The following GAPVD1 variants were observed in gnomAD, a reference collection of about 807,000 sequenced individuals.
The protein encoded by GAPVD1 is GTPase-activating protein and VPS9 domain-containing protein 1.
GAPVD1 carries 35 observed loss-of-function variants against 155.5 expected under a neutral mutation model. The observed-to-expected ratio is 0.23, with a 90% CI of 0.17 to 0.30. The LOEUF (loss-of-function observed/expected upper bound fraction) is 0.30, where lower values mean the gene tolerates loss of function less well. GAPVD1 is among the 10% of genes least tolerant of loss of function. The pLI, the probability that GAPVD1 is intolerant of heterozygous loss-of-function variation, is 1.00. For synonymous variants in GAPVD1, 636 were observed against 619.7 expected (o/e 1.03, Z -0.39); for missense variants, 1,429 against 1,775.7 (o/e 0.80, Z 3.51).
chr9:125,365,384 C>A lies in GAPVD1; in HGVS notation c.*2638C>A, dbSNP rs576208429. On this transcript the variant is annotated 3_prime_UTR_variant, in exon 28 of 28. Transcript: ENST00000297933. ...CCCCAAATGTTTCTTCCTCCACTGC[C>A]TTCCAGTACTTTCTTTACATGAAAG... is the stretch of plus-strand genomic sequence containing the variant. The A allele has an allele frequency of 6.6e-6, 1 of 151,728 alleles. No individual in the cohort carries two copies. The highest frequency in any genetic ancestry group is 2.4e-5 in the African/African-American group (1 of 41,298). 9.4% of individuals were successfully genotyped at this position (151,728 alleles called of 1,614,324 possible). A position where few individuals can be genotyped will look rare whatever the true frequency, so the allele number is the denominator to read the frequency against.
chr9:125,362,984 T>C lies in GAPVD1; in HGVS notation c.*238T>C, dbSNP rs1851154841. 2 of 264,786 alleles carry C rather than the reference T, an allele frequency of 7.6e-6. No homozygotes were observed. Among genetic ancestry groups the C allele is most frequent in the Non-Finnish European group, 1.4e-5 (2 of 140,892 alleles). The allele number at this position is 264,786 out of a possible 1,614,324, so 16.4% of individuals were successfully genotyped here. ...TTTCTTGTCCCCAAGTAGAGACTAG[T>C]ACTACAAAAAGGGACCACATTTTTC... On this transcript the variant is annotated 3_prime_UTR_variant, in exon 28 of 28. Transcript: ENST00000297933.
At position 125,366,149 on chromosome 9, in the gene GAPVD1, T is replaced by C. The variant is rs1250256807; in HGVS notation, c.*3403T>C. 1 of 152,218 alleles carries C rather than the reference T, an allele frequency of 6.6e-6. No homozygotes were observed. The highest frequency in any genetic ancestry group is 1.5e-5 in the Non-Finnish European group (1 of 68,040). The allele number at this position is 152,218 out of a possible 1,614,324, so 9.4% of individuals were successfully genotyped here. A position where few individuals can be genotyped will look rare whatever the true frequency, so the allele number is the denominator to read the frequency against. The stretch of plus-strand genomic sequence containing the variant: ...GCAAATGTGCTGCATGGTTTTTCTA[T>C]TCCTATGTCCTGGAAGCCTTTGTTT... On this transcript the variant is annotated 3_prime_UTR_variant, in exon 28 of 28. Coordinates refer to ENST00000297933, the MANE Select transcript of GAPVD1 (RefSeq NM_001282680.3).
At chr9:125,303,261 C>T (rs1454528868) in intron 5 of GAPVD1, among the ~76,000 whole-genome samples, 2 of 151,782 alleles carry the variant, frequency 1.3e-5, no homozygotes, top group Non-Finnish European at 2.9e-5. Flanking sequence ...TCAGATGATC[C>T]GCCCACCTCG....
intron 11 of GAPVD1, 117 bp from the exon 12 acceptor site, chr9:125,326,299 C>T (rs1845174397): frequency 4.5e-6 from 3 of 671,492 alleles, no homozygotes; most frequent in African/African-American, 1.8e-5. Context: ...GGGCGGATCA[C>T]CTGAGATTGG....
rs1851194031 is a variant in GAPVD1 at position 125,363,265 on chromosome 9, A to G, written c.*519A>G. 2 of 152,108 alleles carry G rather than the reference A, an allele frequency of 1.3e-5. No homozygotes were observed. Among genetic ancestry groups the G allele is most frequent in the African/African-American group, 2.4e-5 (1 of 41,434 alleles). The allele number at this position is 152,108 out of a possible 1,614,324, so 9.4% of individuals were successfully genotyped here. Reference sequence around the variant, plus strand: ...GCTAAGAAGGAAATGTAAATATAATATATATTTATATTTGATGTAATATGG... The same window carrying G: ...GCTAAGAAGGAAATGTAAATATAATGTATATTTATATTTGATGTAATATGG... On this transcript the variant is annotated 3_prime_UTR_variant, in exon 28 of 28. Transcript: ENST00000297933.
intron 25 of GAPVD1, among the ~76,000 whole-genome samples, chr9:125,356,518 G>T (rs1307147384): frequency 1.3e-5 from 2 of 152,000 alleles, no homozygotes; most frequent in African/African-American, 4.8e-5. Context: ...TTGAGACAGG[G>T]TCTTGCCATG....
chr9:125,320,212 T>C (rs1844108974), intron 9 of GAPVD1, among the ~76,000 whole-genome samples: 1 of 152,208 alleles, frequency 6.6e-6, no homozygotes, highest in Non-Finnish European at 1.5e-5. Flanking sequence ...CCAAGGCCTC[T>C]GAGTTCAAGT....
intron 20 of GAPVD1, 100 bp from the exon 21 acceptor site, chr9:125,349,290 T>C (rs951797597): frequency 1.9e-5 from 18 of 954,812 alleles, no homozygotes; most frequent in Middle Eastern, 2.4e-4. Flanking sequence ...TTATTATTAG[T>C]CAATGGTAAT....
chr9:125,296,500 A>C (rs1020262710), intron 3 of GAPVD1, among the ~76,000 whole-genome samples: 29 of 148,850 alleles, frequency 1.9e-4, no homozygotes, highest in Non-Finnish European at 5.9e-5. Context: ...GATTACAGGC[A>C]TGTGCCACCA....
intron 9 of GAPVD1, among the ~76,000 whole-genome samples, chr9:125,319,840 C>T (rs1037911705): frequency 2.0e-5 from 3 of 152,096 alleles, no homozygotes; most frequent in East Asian, 1.9e-4. Flanking sequence ...GGTGATCCAC[C>T]GGCCTTGACC....
intron 20 of GAPVD1, among the ~76,000 whole-genome samples, chr9:125,348,638 G>A (rs1286578718): frequency 3.9e-5 from 6 of 151,920 alleles, no homozygotes; most frequent in African/African-American, 1.5e-4. Flanking sequence ...TCGACCTCCC[G>A]AGTAGCTGGA....
chr9:125,270,255 C>A (rs1375390780), intron 2 of GAPVD1, among the ~76,000 whole-genome samples: 1 of 151,438 alleles, frequency 6.6e-6, no homozygotes, highest in Non-Finnish European at 1.5e-5. Context: ...ATGGAGAAAC[C>A]CCGTCTCTAC....
At chr9:125,268,204 C>G (rs571356898) in intron 1 of GAPVD1, among the ~76,000 whole-genome samples, 1 of 146,472 alleles carries the variant, frequency 6.8e-6, no homozygotes, top group Non-Finnish European at 1.5e-5. Flanking sequence ...ACCCCCCCCC[C>G]CAAAAAAAAA....
intron 6 of GAPVD1, among the ~76,000 whole-genome samples, chr9:125,306,116 C>T (rs754087602): frequency 6.6e-6 from 1 of 152,062 alleles, no homozygotes; most frequent in Non-Finnish European, 1.5e-5. Flanking sequence ...CACGTCTCAT[C>T]TCTAGTCTTC....
intron 2 of GAPVD1, among the ~76,000 whole-genome samples, chr9:125,288,727 G>T (rs549742125): frequency 2.0e-5 from 3 of 152,250 alleles, no homozygotes; most frequent in Admixed American, 6.5e-5. Flanking sequence ...TGATGTGCCA[G>T]GCTCTCTTAT....
intron 2 of GAPVD1, among the ~76,000 whole-genome samples, chr9:125,290,970 C>T (rs150490574): frequency 1.4e-3 from 185 of 136,950 alleles, no homozygotes; most frequent in African/African-American, 4.7e-3. Context: ...CCAGCCTGGG[C>T]AACAGCAAGA....
At chr9:125,362,221 C>G (rs538194670) in intron 27 of GAPVD1, among the ~76,000 whole-genome samples, 1 of 152,254 alleles carries the variant, frequency 6.6e-6, no homozygotes, top group South Asian at 2.1e-4. Flanking sequence ...TTTTCTTTCT[C>G]AGCTTATTCT....
At chr9:125,301,202 G>A (rs1409545506) in intron 4 of GAPVD1, among the ~76,000 whole-genome samples, 3 of 151,698 alleles carry the variant, frequency 2.0e-5, no homozygotes, top group Non-Finnish European at 4.4e-5. Context: ...CCTGAGTGCT[G>A]GGCCTACAGG....
At chr9:125,293,635 T>C (rs1439611640) in intron 2 of GAPVD1, among the ~76,000 whole-genome samples, 2 of 130,472 alleles carry the variant, frequency 1.5e-5, no homozygotes, top group Admixed American at 1.8e-4. Flanking sequence ...ATATTATATA[T>C]ATATAATATA....
Sources: allele counts gnomAD v4.1 joint callset (sites outside exome capture counted in the v4.1 genomes callset), GRCh38; gene constraint gnomAD v4.1.1; transcripts MANE v1.5; gene names NCBI Gene and HGNC (gene_info 2026-07-23, HGNC 2026-07-21).